The following FOCAD variants were observed in gnomAD, a reference collection of about 807,000 sequenced individuals.
FOCAD encodes KIAA1797.
FOCAD carries 198 observed loss-of-function variants against 225.6 expected under a neutral mutation model. The observed-to-expected ratio is 0.88, with a 90% CI of 0.78 to 0.99. The LOEUF is 0.99. Ranked by LOEUF, FOCAD falls within the 50% of genes least tolerant of loss-of-function variation. The pLI is 0.00. For synonymous variants in FOCAD, 897 were observed against 755.0 expected (o/e 1.19, Z -3.08); for missense variants, 2,713 against 2,123.6 (o/e 1.28, Z -5.46).
chr9:20,871,209 A>G (rs896033575), intron 18 of FOCAD, among the ~76,000 whole-genome samples: 1 of 152,150 alleles, frequency 6.6e-6, no homozygotes, highest in Admixed American at 6.5e-5. Flanking sequence ...GTCTCAAAAA[A>G]AAAACAAAGT....
chr9:20,993,317 A>C lies in FOCAD; in HGVS notation c.5321A>C (p.Asp1774Ala), dbSNP rs1841822644. 23 of 1,613,334 alleles carry C rather than the reference A, an allele frequency of 1.4e-5. No homozygotes were observed. Among genetic ancestry groups the C allele is most frequent in the Non-Finnish European group, 2.0e-5 (23 of 1,179,400 alleles). The change falls in exon 43 of 44, where the codon GAT becomes GCT. Residue 1774 changes from aspartate to alanine, a missense_variant. Transcript: ENST00000338382. ...GAAGCCCTCTCAGCACAGTCCAGGG[A>C]TCTTTTGAAAGGTATTACTTCCATG... ...PKEALSAQSR[D>A]LLKATLLSLR...
chr9:20,696,682 G>A (rs188966493), intron 1 of FOCAD, among the ~76,000 whole-genome samples: 1 of 152,300 alleles, frequency 6.6e-6, no homozygotes, highest in Non-Finnish European at 1.5e-5. Context: ...GCGCAAGCCT[G>A]TACTTCCAGC....
At chr9:20,670,371 C>T (rs1452967373) in intron 2 of FOCAD, among the ~76,000 whole-genome samples, 1 of 152,166 alleles carries the variant, frequency 6.6e-6, no homozygotes, top group Admixed American at 6.5e-5. Flanking sequence ...AAAGATACCA[C>T]CTGAAACTGG....
rs148355096 is a variant in FOCAD at position 20,933,816 on chromosome 9, G to C, written c.3407+713G>C. Reference sequence around the variant, plus strand: ...ACTGTTTTCCATAGTGATTGTACTAGTTTACACTCCCACTAGCAGTGTAGA... The same window carrying C: ...ACTGTTTTCCATAGTGATTGTACTACTTTACACTCCCACTAGCAGTGTAGA... On this transcript the variant is annotated intron_variant, in intron 28 of 43. Coordinates refer to ENST00000338382, the MANE Select transcript of FOCAD (RefSeq NM_001375567.1). Among the ~76,000 whole-genome samples, 207 of 152,232 alleles carry C rather than the reference G, an allele frequency of 1.4e-3. 1 individual carries two copies. The East Asian group carries it at 0.033, about 24-fold the overall frequency.
intron 1 of FOCAD, among the ~76,000 whole-genome samples, chr9:20,705,764 T>C (rs1245047929): frequency 6.6e-6 from 1 of 151,642 alleles, no homozygotes; most frequent in Non-Finnish European, 1.5e-5. Flanking sequence ...GATTGGATGC[T>C]GAAAAAATTC....
intron 1 of FOCAD, among the ~76,000 whole-genome samples, chr9:20,706,313 T>A (rs1427044217): frequency 6.6e-6 from 1 of 152,162 alleles, no homozygotes; most frequent in Non-Finnish European, 1.5e-5. Flanking sequence ...TTCCTGCCTT[T>A]GATCTTATTT....
chr9:20,686,359 G>A (rs1162915937), intron 1 of FOCAD, among the ~76,000 whole-genome samples: 1 of 152,126 alleles, frequency 6.6e-6, no homozygotes, highest in African/African-American at 2.4e-5. Context: ...GTTTCACCAT[G>A]TTGGCCAGGC....
intron 14 of FOCAD, 87 bp downstream of exon 14, chr9:20,821,158 GAT>G (rs373715493): frequency 7.6e-7 from 1 of 1,312,106 alleles, no homozygotes; most frequent in Non-Finnish European, 1.0e-6. Flanking sequence ...GGCAAGAAAA[GAT>G]AGGCAGAGGA....
chr9:20,723,354 G>T (rs568723064), intron 4 of FOCAD, among the ~76,000 whole-genome samples: 2 of 152,300 alleles, frequency 1.3e-5, no homozygotes, highest in South Asian at 4.1e-4. Context: ...CGGGCGTGGT[G>T]ACTTATGCCT....
intron 19 of FOCAD, among the ~76,000 whole-genome samples, chr9:20,880,500 C>T (rs1830577802): frequency 6.6e-6 from 1 of 152,132 alleles, no homozygotes; most frequent in Non-Finnish European, 1.5e-5. Context: ...AGCCAGAGGA[C>T]ATGGGAGCCT....
intron 2 of FOCAD, among the ~76,000 whole-genome samples, chr9:20,659,608 C>T (rs1267069316): frequency 6.6e-6 from 1 of 152,130 alleles, no homozygotes; most frequent in Non-Finnish European, 1.5e-5. Context: ...AGCAGGCCTG[C>T]TAACACTTTG....
intron 4 of FOCAD, among the ~76,000 whole-genome samples, chr9:20,732,224 C>A (rs1391391479): frequency 6.6e-6 from 1 of 152,134 alleles, no homozygotes; most frequent in Non-Finnish European, 1.5e-5. Flanking sequence ...CCATAATTGC[C>A]TAGTTATAGA....
At chr9:20,881,754 C>A in intron 19 of FOCAD, 117 bp from the exon 20 acceptor site, 2 of 972,894 alleles carry the variant, frequency 2.1e-6, no homozygotes, top group Admixed American at 2.4e-5. Context: ...CTCTTTTTAC[C>A]ATGTAAGGTT....
intron 5 of FOCAD, among the ~76,000 whole-genome samples, chr9:20,743,492 T>C (rs1386301899): frequency 6.6e-6 from 1 of 152,030 alleles, no homozygotes; most frequent in East Asian, 1.9e-4. Flanking sequence ...AGTATGGGAG[T>C]GGACAGAAAA....
At chr9:20,755,516 A>T (rs370573348) in intron 5 of FOCAD, among the ~76,000 whole-genome samples, 1 of 152,248 alleles carries the variant, frequency 6.6e-6, no homozygotes, top group African/African-American at 2.4e-5. Flanking sequence ...TAAAAAGGAG[A>T]TAGATTCTTA....
chr9:20,940,279 C>T (rs1836514049), intron 28 of FOCAD, among the ~76,000 whole-genome samples: 1 of 144,106 alleles, frequency 6.9e-6, no homozygotes, highest in African/African-American at 2.5e-5. Context: ...TTGTGCAGTT[C>T]TCCCTTTTTT....
intron 21 of FOCAD, among the ~76,000 whole-genome samples, 196 bp from the exon 22 acceptor site, chr9:20,906,950 ATTTT>A (rs1833030329): frequency 6.6e-6 from 1 of 151,916 alleles, no homozygotes; most frequent in Admixed American, 6.6e-5. Context: ...GGCTTACTTT[ATTTT>A]GTCTTCACAA....
In FOCAD at chr9:20,779,007, G is replaced by A. The variant is rs4977729; in HGVS notation, c.994+239G>A. Among the ~76,000 whole-genome samples the A allele has an allele frequency of 0.96, 146,700 of 152,294 alleles. 70,696 individuals carry two copies. The highest frequency in any genetic ancestry group is 1 in the East Asian group (5,191 of 5,192). On this transcript the variant is annotated intron_variant, in intron 9 of 43. Coordinates refer to ENST00000338382, the MANE Select transcript of FOCAD (RefSeq NM_001375567.1). ...TAGAGGTTATAATCTAACCTTATAT[G>A]GCAGTAACATTCAGGAATATATTGA...
chr9:20,946,125 A>G (rs1211950966), intron 29 of FOCAD, among the ~76,000 whole-genome samples: 1 of 152,018 alleles, frequency 6.6e-6, no homozygotes, highest in Non-Finnish European at 1.5e-5. Flanking sequence ...TCATTCATCA[A>G]CATATTAAGT....
Sources: allele counts gnomAD v4.1 joint callset (sites outside exome capture counted in the v4.1 genomes callset), GRCh38; gene constraint gnomAD v4.1.1; transcripts MANE v1.5; gene names NCBI Gene and HGNC (gene_info 2026-07-23, HGNC 2026-07-21).